Variants in NEDD9 observed in about 807,000 individuals in gnomAD.
NEDD9 encodes the protein neural precursor cell expressed, developmentally down-regulated 9.
Under a neutral mutation model 76.6 loss-of-function variants are expected in NEDD9, and 26 were observed. That is an observed-to-expected ratio of 0.34 (90% CI 0.25 to 0.47). The LOEUF (loss-of-function observed/expected upper bound fraction) is 0.47, where lower values mean the gene tolerates loss of function less well. Ranked by LOEUF, NEDD9 falls within the 20% of genes least tolerant of loss-of-function variation. The probability of loss-of-function intolerance (pLI) is 1.00; values close to 1 mark genes in which losing one functional copy is unlikely to be tolerated. For missense variants in NEDD9, 937 were observed against 1,058.5 expected, an observed-to-expected ratio of 0.89 and a Z score of 1.59; for synonymous variants, 392 against 414.2, an observed-to-expected ratio of 0.95 and a Z score of 0.65.
chr6:11,262,714 A>G (rs1488230004), intron 3 of NEDD9, among the ~76,000 whole-genome samples: 1 of 152,260 alleles, frequency 6.6e-6, no homozygotes, highest in Admixed American at 6.5e-5. Flanking sequence ...TAAACACAGT[A>G]TACATTCATT....
intron 2 of NEDD9, among the ~76,000 whole-genome samples, chr6:11,314,475 A>G (rs1175158218): frequency 2.0e-5 from 3 of 152,210 alleles, no homozygotes; most frequent in Non-Finnish European, 2.9e-5. Flanking sequence ...TAAAAATGGC[A>G]GGTCTTCTGC....
chr6:11,214,300 A>T (rs1457487194), intron 1 of NEDD9: 1 of 469,074 alleles, frequency 2.1e-6, no homozygotes, highest in African/African-American at 2.0e-5. Flanking sequence ...ATCCAGAGAG[A>T]ATCCACAAGC....
chr6:11,355,732 T>G (rs1158143179), intron 1 of NEDD9, among the ~76,000 whole-genome samples: 4 of 151,482 alleles, frequency 2.6e-5, no homozygotes, highest in African/African-American at 9.7e-5. Context: ...TTTTTAATTA[T>G]TTTTTTGAGA....
chr6:11,268,589 G>A (rs189471490), intron 3 of NEDD9, among the ~76,000 whole-genome samples: 14 of 152,062 alleles, frequency 9.2e-5, no homozygotes, highest in African/African-American at 3.1e-4. Context: ...TTAGCCTGGC[G>A]TGATGGCAGG....
At chr6:11,331,670 C>T (rs1353638856) in intron 2 of NEDD9, among the ~76,000 whole-genome samples, 1 of 152,154 alleles carries the variant, frequency 6.6e-6, no homozygotes, top group East Asian at 1.9e-4. Flanking sequence ...GACCCCTTGC[C>T]ATTCTCCAAA....
In NEDD9 at chr6:11,190,912, G is replaced by A; in HGVS notation, c.957C>T (p.Val319=). The A allele has an allele frequency of 6.2e-7, 1 of 1,614,076 alleles. No homozygotes were observed. Among genetic ancestry groups the A allele is most frequent in the South Asian group, 1.1e-5 (1 of 91,068 alleles). ...SVGSQNDAYD[V]PRGVQFLEPP... is the part of the protein sequence containing the mutation. ...GCTCAAGAAACTGAACGCCTCGGGG[G>A]ACATCATATGCGTCGTTCTGAGAGC... The change falls in exon 5 of 7, where the codon GTC becomes GTT. Residue 319 remains valine, a synonymous_variant. Transcript: ENST00000379446. The surrounding 1 kb of genome is among the most constrained non-coding windows in gnomAD (Gnocchi z 5.8).
chr6:11,326,479 C>CT (rs1402330162), intron 2 of NEDD9, among the ~76,000 whole-genome samples: 1 of 152,196 alleles, frequency 6.6e-6, no homozygotes, highest in Non-Finnish European at 1.5e-5. Flanking sequence ...GAAATATTTT[C>CT]TTTCTCATGC....
rs1427966782 is a variant in NEDD9 at position 11,291,306 on chromosome 6, G to T, written c.12+14686C>A. ...TTTTTTTTTTTTGAGACGGAGTCTCGCTCTGTCGCCCAGGCTGGAGTGCAG... is the reference window on the plus strand; with the variant it reads ...TTTTTTTTTTTTGAGACGGAGTCTCTCTCTGTCGCCCAGGCTGGAGTGCAG... On this transcript the variant is annotated intron_variant, in intron 3 of 3. Coordinates refer to the NEDD9 transcript ENST00000397378. Among the ~76,000 whole-genome samples the T allele has an allele frequency of 3.6e-4, 42 of 116,268 alleles. 1 individual carries two copies. The highest frequency in any genetic ancestry group is 1.5e-3 in the African/African-American group (40 of 26,460). The allele number at this position is 116,268 out of a possible 152,430, so 76.3% of individuals were successfully genotyped here.
intron 3 of NEDD9, among the ~76,000 whole-genome samples, chr6:11,260,785 T>G (rs569654743): frequency 2.0e-5 from 3 of 152,306 alleles, no homozygotes; most frequent in Admixed American, 2.0e-4. Flanking sequence ...CACACACTAT[T>G]TCTCAGTTTT....
intron 2 of NEDD9, among the ~76,000 whole-genome samples, chr6:11,331,327 A>C (rs571158331): frequency 7.1e-6 from 1 of 141,538 alleles, no homozygotes; most frequent in East Asian, 2.2e-4. Context: ...GATAGTTGTG[A>C]GCATTTACTC....
intron 1 of NEDD9, among the ~76,000 whole-genome samples, chr6:11,364,442 G>C (rs949559614): frequency 1.3e-5 from 2 of 152,108 alleles, no homozygotes; most frequent in African/African-American, 2.4e-5. Flanking sequence ...GGGTGGCCTT[G>C]GGAATTCCCC....
intron 1 of NEDD9, among the ~76,000 whole-genome samples, chr6:11,369,274 T>A (rs1762817976): frequency 6.6e-6 from 1 of 151,548 alleles, no homozygotes; most frequent in South Asian, 2.1e-4. Context: ...TGCTTAGAAC[T>A]TTTTTTTTGC....
chr6:11,209,363 G>A (rs938613719), intron 2 of NEDD9, among the ~76,000 whole-genome samples: 10 of 152,164 alleles, frequency 6.6e-5, no homozygotes, highest in African/African-American at 1.2e-4. Flanking sequence ...AGGTGTCAGC[G>A]TATATGGTTT....
chr6:11,339,490 A>C (rs147378563), intron 1 of NEDD9, among the ~76,000 whole-genome samples: 36 of 152,162 alleles, frequency 2.4e-4, no homozygotes, highest in Non-Finnish European at 4.9e-4. Flanking sequence ...ATGAAAACCT[A>C]CTTTTCTCAT....
chr6:11,349,656 A>T (rs1762427343), intron 1 of NEDD9, among the ~76,000 whole-genome samples: 1 of 152,238 alleles, frequency 6.6e-6, no homozygotes. Context: ...TATCCTCAGC[A>T]TACTAATCGG....
At chr6:11,289,630 T>C (rs1185434994) in intron 3 of NEDD9, among the ~76,000 whole-genome samples, 1 of 152,160 alleles carries the variant, frequency 6.6e-6, no homozygotes, top group Non-Finnish European at 1.5e-5. Context: ...TTTTTGTATT[T>C]TTAGTAGAGA....
intron 3 of NEDD9, among the ~76,000 whole-genome samples, chr6:11,281,960 A>T (rs758248211): frequency 1.3e-5 from 2 of 151,870 alleles, no homozygotes; most frequent in Admixed American, 6.6e-5. Flanking sequence ...GCTTGTCTAG[A>T]TCTCCTGGCC....
chr6:11,238,389 T>G (rs1051101896), intron 3 of NEDD9, among the ~76,000 whole-genome samples: 1 of 152,242 alleles, frequency 6.6e-6, no homozygotes, highest in African/African-American at 2.4e-5. Flanking sequence ...ATGAATGAAT[T>G]AATGCACTTC....
intron 6 of NEDD9, among the ~76,000 whole-genome samples, chr6:11,186,736 G>T (rs966010115): frequency 6.6e-6 from 1 of 152,148 alleles, no homozygotes; most frequent in Non-Finnish European, 1.5e-5. Context: ...TCCTGCCTCA[G>T]CCTCCCAAGT....
Sources: allele counts gnomAD v4.1 joint callset (sites outside exome capture counted in the v4.1 genomes callset), GRCh38; gene constraint gnomAD v4.1.1; non-coding constraint Gnocchi (gnomAD v3.1); transcripts MANE v1.5; gene names NCBI Gene and HGNC (gene_info 2026-07-23, HGNC 2026-07-21).